Variants in GRIN2C observed in about 807,000 individuals in gnomAD.
The protein encoded by GRIN2C is glutamate ionotropic receptor NMDA type subunit 2C.
In GRIN2C, 64 loss-of-function variants were observed where a neutral mutation model predicts 77.7. That is an observed-to-expected ratio of 0.82 (90% CI 0.67 to 1.01). GRIN2C has a LOEUF of 1.01. Ranked by LOEUF, GRIN2C falls within the 50% of genes least tolerant of loss-of-function variation. The pLI, the probability that GRIN2C is intolerant of heterozygous loss-of-function variation, is 0.00. For missense variants in GRIN2C, 1,549 were observed against 1,486.0 expected (o/e 1.04, Z -0.70); for synonymous variants, 792 against 643.4 (o/e 1.23, Z -3.49).
chr17:74,848,074 T>C, intron 7 of GRIN2C, 97 bp from the exon 8 acceptor site: 1 of 1,380,372 alleles, frequency 7.2e-7, no homozygotes, highest in Non-Finnish European at 1.0e-6. Flanking sequence ...GTGATCAAAG[T>C]AGGGGCCCAC....
intron 3 of GRIN2C, 107 bp downstream of exon 3, chr17:74,851,906 G>T: frequency 1.2e-6 from 1 of 837,066 alleles, no homozygotes. Flanking sequence ...GTGGCCCCAG[G>T]CACGCAGCTA....
At chr17:74,844,580 C>T in intron 11 of GRIN2C, 72 bp from the exon 12 acceptor site, 1 of 1,559,576 alleles carries the variant, frequency 6.4e-7, no homozygotes, top group Non-Finnish European at 8.7e-7. Context: ...AAGCTCACCA[C>T]AAACCTGGAG....
Position 74,859,629 on chromosome 17 carries a change from G to C in GRIN2C, c.-16+115C>G, listed in dbSNP as rs2037904564. The stretch of plus-strand genomic sequence containing the variant: ...GCCGTTCTAGCTTGCCCCACTGCTG[G>C]GGGCACGGAGTTCTTGCTCCTCCAA... On this transcript the variant is annotated intron_variant, in intron 1 of 12. Transcript: ENST00000293190. This position sits in a 1 kb window ranked among gnomAD's most constrained non-coding sequence, Gnocchi z 5.9. 1 of 152,082 alleles carries C rather than the reference G, an allele frequency of 6.6e-6. No individual in the cohort carries two copies. The highest frequency in any genetic ancestry group is 2.4e-5 in the African/African-American group (1 of 41,394). 9.4% of individuals were successfully genotyped at this position (152,082 alleles called of 1,614,324 possible).
intron 1 of GRIN2C, among the ~76,000 whole-genome samples, chr17:74,857,531 C>A (rs542215685): frequency 6.6e-6 from 1 of 152,164 alleles, no homozygotes; most frequent in African/African-American, 2.4e-5. Flanking sequence ...CCATGCCATG[C>A]CTCAGCTGCC....
intron 7 of GRIN2C, 113 bp from the exon 8 acceptor site, chr17:74,848,090 C>A: frequency 8.5e-7 from 1 of 1,183,254 alleles, no homozygotes; most frequent in Non-Finnish European, 1.2e-6. Flanking sequence ...CCCACCAGCT[C>A]TGCGGACCCA....
chr17:74,842,634 A>C lies in GRIN2C; in HGVS notation c.3503T>G (p.Leu1168Arg), dbSNP rs1210156964. 2.7e-6 allele frequency: 2 copies of C among 753,942 alleles called. No homozygotes were observed. Among genetic ancestry groups the C allele is most frequent in the East Asian group, 5.0e-5 (2 of 39,882 alleles). 46.7% of individuals were successfully genotyped at this position (753,942 alleles called of 1,614,324 possible). A position where few individuals can be genotyped will look rare whatever the true frequency, so the allele number is the denominator to read the frequency against. Residue 1168 changes from leucine to arginine, a missense_variant, in exon 13 of 13, where the codon CTT becomes CGT. Leu to Arg is a moderately radical substitution (Grantham distance 102). Around this residue, in one of 3 missense-constraint regions of GRIN2C, gnomAD observed 450 missense variants for 267.9 expected, o/e 1.68. Coordinates refer to ENST00000293190, the MANE Select transcript of GRIN2C (RefSeq NM_000835.6). ...PFCWGAVCPH[L>R]PPCASHGSWL... is the part of the protein sequence containing the mutation. ...GGAGCCGTGGCTGGCACAGGGTGGA[A>C]GGTGAGGACAGACAGCCCCCCAGCA...
At chr17:74,855,141 G>A in intron 1 of GRIN2C, 34 bp from the exon 2 acceptor site, 1 of 1,502,820 alleles carries the variant, frequency 6.7e-7, no homozygotes, top group Non-Finnish European at 8.9e-7. Flanking sequence ...CAGGGAGAGA[G>A]ACAGAGGTTT....
rs919547716 is a variant in GRIN2C at position 74,855,086 on chromosome 17, C to T, written c.7G>A (p.Gly3Arg). The change falls in exon 2 of 13, where the codon GGG (glycine) becomes AGG (arginine). Residue 3 changes from glycine to arginine, a missense_variant. Physicochemically the swap from Gly to Arg is moderately radical, Grantham distance 125. Coordinates refer to ENST00000293190, the MANE Select transcript of GRIN2C (RefSeq NM_000835.6). MG[G>R]ALGPALLLTS... ...AGCAACAGGGCCGGCCCCAGGGCCC[C>T]ACCCATGTCCACCGGAGGGTCCTGC... 1.3e-6 allele frequency: 2 copies of T among 1,582,930 alleles called. No homozygotes were observed. The highest frequency in any genetic ancestry group is 1.7e-6 in the Non-Finnish European group (2 of 1,170,724).
chr17:74,846,672 C>T lies in GRIN2C; in HGVS notation c.2162+88G>A. ...CCCACAGGAGTCCTGCAGGACAGCC[C>T]AGTCCCACTGTCCCCACATTGAGAG... is the stretch of plus-strand genomic sequence containing the variant. On this transcript the variant is annotated intron_variant, in intron 10 of 12. Transcript: ENST00000293190. The surrounding 1 kb of genome is among the most constrained non-coding windows in gnomAD (Gnocchi z 4.4). 5 of 1,401,584 alleles carry T rather than the reference C, an allele frequency of 3.6e-6. No individual in the cohort carries two copies. The highest frequency in any genetic ancestry group is 4.9e-6 in the Non-Finnish European group (5 of 1,011,698). 86.8% of individuals were successfully genotyped at this position (1,401,584 alleles called of 1,614,324 possible).
intron 1 of GRIN2C, among the ~76,000 whole-genome samples, chr17:74,855,334 C>G (rs1232684478): frequency 6.6e-6 from 1 of 152,162 alleles, no homozygotes; most frequent in Admixed American, 6.5e-5. Flanking sequence ...AGAGCAAGGG[C>G]TGGGGAAGAA....
intron 12 of GRIN2C, among the ~76,000 whole-genome samples, chr17:74,843,763 T>C (rs1057054804): frequency 5.3e-5 from 8 of 152,126 alleles, no homozygotes; most frequent in African/African-American, 1.9e-4. Flanking sequence ...CTAATCACTC[T>C]AGCTAGCACC....
rs954001690 is a variant in GRIN2C, at chr17:74,849,283, C to T, written c.1645+497G>A. On this transcript the variant is annotated intron_variant, in intron 7 of 12. Coordinates refer to ENST00000293190, the MANE Select transcript of GRIN2C (RefSeq NM_000835.6). The surrounding 1 kb of genome is among the most constrained non-coding windows in gnomAD (Gnocchi z 4.6). ...CGCCTGTCTTCACAGCTCTCTGCCA[C>T]CTCACACTTCATGTCCCACGTGGCC... Among the ~76,000 whole-genome samples the T allele has an allele frequency of 1.3e-5, 2 of 152,192 alleles. No homozygotes were observed. Among genetic ancestry groups the T allele is most frequent in the Non-Finnish European group, 2.9e-5 (2 of 68,036 alleles).
Position 74,849,953 on chromosome 17 carries a change from GAGGTT to G in GRIN2C, c.1492-25_1492-21del. 1 of 1,604,048 alleles carries G rather than the reference GAGGTT, an allele frequency of 6.2e-7. No individual in the cohort carries two copies. Among genetic ancestry groups the G allele is most frequent in the East Asian group, 2.2e-5 (1 of 44,832 alleles). ...GTACACCTGGGGGCCGGACGCCACG[GAGGTT>G]TGAAAAAGGGGCTCCCGTGGGGTGG... On this transcript the variant is annotated intron_variant, in intron 6 of 12. Transcript: ENST00000293190. The surrounding 1 kb of genome is among the most constrained non-coding windows in gnomAD (Gnocchi z 4.6).
Position 74,842,922 on chromosome 17 carries a change from GC to G in GRIN2C, c.3214del (p.Ala1072ProfsTer139). ...RREALLHAAW[A>X]RGSRPRHASL... Reference sequence around the variant, plus strand: ...AGCGTGACGCGGGCGCGAGCCCCGGGCCCAGGCCGCGTGCAGCAGGGCCTCC... The same window carrying G: ...AGCGTGACGCGGGCGCGAGCCCCGGGCCAGGCCGCGTGCAGCAGGGCCTCC... On this transcript the variant is annotated frameshift_variant, in exon 13 of 13. Coordinates refer to ENST00000293190, the MANE Select transcript of GRIN2C (RefSeq NM_000835.6). LOFTEE classifies it low-confidence loss of function (END_TRUNC). 1 of 569,182 alleles carries G rather than the reference GC, an allele frequency of 1.8e-6. No homozygotes were observed. Among genetic ancestry groups the G allele is most frequent in the South Asian group, 2.1e-5 (1 of 48,130 alleles). 35.3% of individuals were successfully genotyped at this position (569,182 alleles called of 1,614,324 possible).
upstream of GRIN2C, among the ~76,000 whole-genome samples, chr17:74,861,265 C>G (rs2144631783): frequency 6.6e-6 from 1 of 152,250 alleles, no homozygotes; most frequent in East Asian, 1.9e-4. Flanking sequence ...CTTGAGGGTC[C>G]GGGTCCTCCA....
Position 74,859,418 on chromosome 17 carries a change from A to G in GRIN2C, c.-16+326T>C, listed in dbSNP as rs1162877867. Among the ~76,000 whole-genome samples, 2 of 151,756 alleles carry G rather than the reference A, an allele frequency of 1.3e-5. No homozygotes were observed. Among genetic ancestry groups the G allele is most frequent in the African/African-American group, 4.8e-5 (2 of 41,290 alleles). ...CACTCCCGCACTCATACCCGCTCACATCTGAGATACCGATGGCTCTCCCTC... is the reference window on the plus strand; with the variant it reads ...CACTCCCGCACTCATACCCGCTCACGTCTGAGATACCGATGGCTCTCCCTC... On this transcript the variant is annotated intron_variant, in intron 1 of 12. Coordinates refer to ENST00000293190, the MANE Select transcript of GRIN2C (RefSeq NM_000835.6). This position sits in a 1 kb window ranked among gnomAD's most constrained non-coding sequence, Gnocchi z 5.9.
In GRIN2C at chr17:74,842,855, G is replaced by A; in HGVS notation, c.3282C>T (p.Ser1094=). The A allele has an allele frequency of 1.8e-6, 1 of 567,704 alleles. No individual in the cohort carries two copies. The highest frequency in any genetic ancestry group is 3.0e-6 in the Non-Finnish European group (1 of 328,698). 35.2% of individuals were successfully genotyped at this position (567,704 alleles called of 1,614,324 possible). ...GGCCGGTGCACCCAGCGGGCAGCGAGCTGGGCCGAGCGAAGGCCTCGGCCA... is the reference window on the plus strand; with the variant it reads ...GGCCGGTGCACCCAGCGGGCAGCGAACTGGGCCGAGCGAAGGCCTCGGCCA... The part of the protein sequence containing the change: ...SSVAEAFARP[S]SLPAGCTGPA... Residue 1094 remains serine (S), a synonymous_variant, in exon 13 of 13, where the codon AGC becomes AGT. Coordinates refer to ENST00000293190, the MANE Select transcript of GRIN2C (RefSeq NM_000835.6).
intron 1 of GRIN2C, among the ~76,000 whole-genome samples, chr17:74,856,389 C>T (rs951225177): frequency 6.6e-6 from 1 of 152,176 alleles, no homozygotes; most frequent in African/African-American, 2.4e-5. Context: ...AGACAGATGC[C>T]CTTCAGGGAT....
intron 11 of GRIN2C, among the ~76,000 whole-genome samples, chr17:74,845,329 A>G (rs533656093): frequency 3.3e-5 from 5 of 150,018 alleles, no homozygotes; most frequent in African/African-American, 4.9e-5. Flanking sequence ...CAGTGGCACA[A>G]TCATGGCTCA....
Sources: allele counts gnomAD v4.1 joint callset (sites outside exome capture counted in the v4.1 genomes callset), GRCh38; gene constraint gnomAD v4.1.1; regional missense constraint gnomAD v4.1.1; non-coding constraint Gnocchi (gnomAD v3.1); transcripts MANE v1.5; gene names NCBI Gene and HGNC (gene_info 2026-07-23, HGNC 2026-07-21).